Variants in ADGRL1 observed in about 807,000 individuals in gnomAD.
ADGRL1 encodes adhesion G protein-coupled receptor L1, also known as CIRL-1.
A neutral mutation model predicts 148.9 loss-of-function variants in ADGRL1; 31 were observed. The observed-to-expected ratio is 0.21, with a 90% CI of 0.16 to 0.28. The LOEUF is 0.28. ADGRL1 is among the 10% of genes least tolerant of loss of function. ADGRL1 has a pLI of 1.00. For synonymous variants in ADGRL1, 937 were observed against 900.3 expected (o/e 1.04, Z -0.73); for missense variants, 1,521 against 2,058.8 (o/e 0.74, Z 5.05).
intron 1 of ADGRL1, among the ~76,000 whole-genome samples, chr19:14,188,794 G>A (rs893937709): frequency 2.0e-5 from 3 of 152,040 alleles, no homozygotes; most frequent in African/African-American, 7.2e-5. Context: ...CTTTTTTTGA[G>A]ACGGAGTCTC....
chr19:14,148,753 C>T lies in ADGRL1; in HGVS notation c.*2120G>A, dbSNP rs1422350891. ...GAGTTGGAACCCAACCCCACCTCTT[C>T]CCCACACCTGTTCCCTTACACGGGA... On this transcript the variant is annotated 3_prime_UTR_variant, in exon 23 of 23. Transcript: ENST00000361434. 6.5e-6 allele frequency: 1 copy of T among 152,766 alleles called. No homozygotes were observed. The highest frequency in any genetic ancestry group is 1.5e-5 in the Non-Finnish European group (1 of 68,140). The allele number at this position is 152,766 out of a possible 1,614,324, so 9.5% of individuals were successfully genotyped here.
intron 3 of ADGRL1, among the ~76,000 whole-genome samples, chr19:14,175,990 G>A (rs979320778): frequency 2.0e-5 from 3 of 151,540 alleles, no homozygotes; most frequent in Non-Finnish European, 4.4e-5. Flanking sequence ...GGAGGTGGAG[G>A]TTGCAATGAG....
rs376482933 is a variant in ADGRL1 at position 14,167,002 on chromosome 19, A to G, written c.395-3596T>C. 16 of 1,612,786 alleles carry G rather than the reference A, an allele frequency of 9.9e-6. No homozygotes were observed. The East Asian group carries it at 2.5e-4, about 25-fold the overall frequency. ...GTGTGAGTTAGGGGTTAGCATTGGT[A>G]ACAGTGCGTTTACCTTTCTGCTCCA... is the stretch of plus-strand genomic sequence containing the variant. On this transcript the variant is annotated intron_variant, in intron 4 of 22. Coordinates refer to ENST00000361434, the MANE Select transcript of ADGRL1 (RefSeq NM_014921.5).
chr19:14,156,304 C>A, intron 16 of ADGRL1, 103 bp from the exon 17 acceptor site: 1 of 924,282 alleles, frequency 1.1e-6, no homozygotes, highest in Non-Finnish European at 1.7e-6. Context: ...CTGTGGCCCT[C>A]GCCTCTGCTG....
intron 2 of ADGRL1, among the ~76,000 whole-genome samples, chr19:14,181,445 G>C (rs917554410): frequency 6.6e-6 from 1 of 152,230 alleles, no homozygotes; most frequent in African/African-American, 2.4e-5. Flanking sequence ...GTGGCTGGGC[G>C]CGGTGGTTCA....
At position 14,150,089 on chromosome 19, in the gene ADGRL1, T is replaced by C. The variant is rs892824866; in HGVS notation, c.*784A>G. Reference sequence around the variant, plus strand: ...CCAGACCCAAAATCTGCTCCCCAGATAGCCGAGCCCACAGGACTGGGAACT... The same window carrying C: ...CCAGACCCAAAATCTGCTCCCCAGACAGCCGAGCCCACAGGACTGGGAACT... On this transcript the variant is annotated 3_prime_UTR_variant, in exon 23 of 23. Coordinates refer to ENST00000361434, the MANE Select transcript of ADGRL1 (RefSeq NM_014921.5). 8 of 152,348 alleles carry C rather than the reference T, an allele frequency of 5.3e-5. No homozygotes were observed. In the East Asian group the frequency reaches 1.4e-3, roughly 26 times the overall value. The allele number at this position is 152,348 out of a possible 1,614,324, so 9.4% of individuals were successfully genotyped here. A position where few individuals can be genotyped will look rare whatever the true frequency, so the allele number is the denominator to read the frequency against.
chr19:14,181,048 G>T (rs1013348905), intron 2 of ADGRL1, among the ~76,000 whole-genome samples: 11 of 150,776 alleles, frequency 7.3e-5, no homozygotes, highest in Non-Finnish European at 1.5e-4. Flanking sequence ...ACTCCATCTC[G>T]AAAAAATAAA....
chr19:14,193,458 G>A (rs143773386), intron 1 of ADGRL1, among the ~76,000 whole-genome samples: 2 of 152,086 alleles, frequency 1.3e-5, no homozygotes, highest in Non-Finnish European at 2.9e-5. Context: ...ACGGTGGCAC[G>A]TGCCTATAGT....
chr19:14,150,926 C>T lies in ADGRL1; in HGVS notation c.4357G>A (p.Glu1453Lys). ...HEGYLAAPGL[E>K]GPGPDGDGQM... ...CCGTCCCCATCGGGCCCTGGCCCCT[C>T]AAGGCCTGGGGCTGCCAGGTAGCCC... Residue 1453 changes from glutamate (E) to lysine (K), a missense_variant, in exon 23 of 23, where the codon GAG (glutamate) becomes AAG (lysine). This residue lies in a region of ADGRL1 where 390 missense variants were observed against 375.0 expected (regional missense o/e 1.04). Coordinates refer to ENST00000361434, the MANE Select transcript of ADGRL1 (RefSeq NM_014921.5). The T allele has an allele frequency of 6.2e-7, 1 of 1,611,812 alleles. No homozygotes were observed. The highest frequency in any genetic ancestry group is 8.5e-7 in the Non-Finnish European group (1 of 1,179,614).
At chr19:14,170,893 TG>T (rs761549996) in intron 3 of ADGRL1, 102 bp from the exon 4 acceptor site, 3 of 656,836 alleles carry the variant, frequency 4.6e-6, no homozygotes, top group Non-Finnish European at 5.5e-6. Context: ...ACCCCCAAAT[TG>T]GGAAGGGGCA....
intron 4 of ADGRL1, among the ~76,000 whole-genome samples, chr19:14,165,308 G>C (rs1335690648): frequency 1.3e-5 from 2 of 152,176 alleles, no homozygotes; most frequent in African/African-American, 4.8e-5. Context: ...GGGTCGGCCT[G>C]CCCACTCTGT....
Position 14,150,250 on chromosome 19 carries a change from G to C in ADGRL1, c.*623C>G, listed in dbSNP as rs1968034412. The C allele has an allele frequency of 6.5e-6, 1 of 152,924 alleles. No homozygotes were observed. Among genetic ancestry groups the C allele is most frequent in the African/African-American group, 2.4e-5 (1 of 41,432 alleles). 9.5% of individuals were successfully genotyped at this position (152,924 alleles called of 1,614,324 possible). A position where few individuals can be genotyped will look rare whatever the true frequency, so the allele number is the denominator to read the frequency against. On this transcript the variant is annotated 3_prime_UTR_variant, in exon 23 of 23. Coordinates refer to ENST00000361434, the MANE Select transcript of ADGRL1 (RefSeq NM_014921.5). ...GGTTTGCTTGCGGGGCAGGGACCAAGAGCAAGGGGAAAGGAGCTTCAGAGA... is the reference window on the plus strand; with the variant it reads ...GGTTTGCTTGCGGGGCAGGGACCAACAGCAAGGGGAAAGGAGCTTCAGAGA...
intron 1 of ADGRL1, among the ~76,000 whole-genome samples, chr19:14,195,299 G>C (rs1972188831): frequency 6.6e-6 from 1 of 152,168 alleles, no homozygotes; most frequent in African/African-American, 2.4e-5. Flanking sequence ...GGCAGGGTGG[G>C]CCACTGAGGC....
chr19:14,156,796 G>A, intron 15 of ADGRL1, 72 bp from the exon 16 acceptor site: 1 of 1,535,748 alleles, frequency 6.5e-7, no homozygotes, highest in Non-Finnish European at 8.9e-7. Context: ...GAAGGCCTAG[G>A]ACTCTGCAGG....
intron 2 of ADGRL1, among the ~76,000 whole-genome samples, chr19:14,179,492 A>C (rs1318176167): frequency 6.6e-6 from 1 of 151,816 alleles, no homozygotes; most frequent in Non-Finnish European, 1.5e-5. Context: ...AGACTCCATC[A>C]AACAAACAAA....
At position 14,155,596 on chromosome 19, in the gene ADGRL1, G is replaced by A; in HGVS notation, c.3126-69C>T. The stretch of plus-strand genomic sequence containing the variant: ...GACGGCCTCAGCCCAGGCCTCCCCT[G>A]CAGCCTACAACGGGGGCCCTTGGGT... On this transcript the variant is annotated intron_variant, in intron 17 of 22. Transcript: ENST00000361434. This position sits in a 1 kb window ranked among gnomAD's most constrained non-coding sequence, Gnocchi z 5.0. 6.5e-6 allele frequency: 10 copies of A among 1,540,608 alleles called. No homozygotes were observed. The highest frequency in any genetic ancestry group is 8.9e-6 in the Non-Finnish European group (10 of 1,126,174).
intron 4 of ADGRL1, 59 bp from the exon 5 acceptor site, chr19:14,163,465 GGAGA>G (rs71170599): frequency 0.023 from 16,077 of 688,130 alleles, 28 homozygotes; most frequent in Admixed American, 0.041. Context: ...GCGAGAGGGA[GGAGA>G]GAGAGAGAGA....
chr19:14,151,908 G>A (rs1023176980), intron 22 of ADGRL1, among the ~76,000 whole-genome samples: 4 of 152,176 alleles, frequency 2.6e-5, no homozygotes, highest in Non-Finnish European at 5.9e-5. Context: ...CTGGGCAACA[G>A]GATCGCTTTC....
chr19:14,152,775 GC>G lies in ADGRL1; in HGVS notation c.3423+8del. On this transcript the variant is annotated splice_region_variant and intron_variant, in intron 19 of 22. Transcript: ENST00000361434. The surrounding 1 kb of genome is among the most constrained non-coding windows in gnomAD (Gnocchi z 6.1). ...ACTCAGCCCCAGGGAGTCCTGTCTG[GC>G]CCGATACCTGGGTCCCTGTGTAGTA... 1.2e-6 allele frequency: 2 copies of G among 1,613,864 alleles called. No homozygotes were observed.
Sources: gnomAD v4.1 joint callset for allele counts (sites outside exome capture counted in the v4.1 genomes callset) on GRCh38, gnomAD v4.1.1 for gene constraint, gnomAD v4.1.1 regional missense constraint, Gnocchi (gnomAD v3.1) non-coding constraint, MANE v1.5 for transcripts, NCBI Gene and HGNC (gene_info 2026-07-23, HGNC 2026-07-21) for gene names.